Variants in ACTR5 observed in about 807,000 individuals in gnomAD.
ACTR5 encodes actin related protein 5.
ACTR5 carries 43 observed loss-of-function variants against 61.2 expected under a neutral mutation model. The ratio of observed to expected loss-of-function variants is 0.70; its 90% CI spans 0.55 to 0.91. The LOEUF (loss-of-function observed/expected upper bound fraction) is 0.91. Among genes scored for constraint, ACTR5 ranks in the 40% least tolerant of loss-of-function variants. The pLI is 0.00. For missense variants in ACTR5, 798 were observed against 782.2 expected, an observed-to-expected ratio of 1.02 and a Z score of -0.24; for synonymous variants, 333 against 310.5, an observed-to-expected ratio of 1.07 and a Z score of -0.76.
At chr20:38,758,329 G>T (rs2084432459) in intron 5 of ACTR5, among the ~76,000 whole-genome samples, 2 of 152,140 alleles carry the variant, frequency 1.3e-5, no homozygotes, top group South Asian at 2.1e-4. Flanking sequence ...GACTGCAAAA[G>T]ATTTTTCTAT....
intron 5 of ACTR5, among the ~76,000 whole-genome samples, chr20:38,762,331 A>G (rs2084459899): frequency 6.6e-6 from 1 of 152,222 alleles, no homozygotes; most frequent in South Asian, 2.1e-4. Flanking sequence ...GAGCAGCTAG[A>G]GAGTGAATGT....
chr20:38,748,652 C>T lies in ACTR5; in HGVS notation c.174C>T (p.Arg58=), dbSNP rs2084366981. 3 of 1,514,306 alleles carry T rather than the reference C, an allele frequency of 2.0e-6. No homozygotes were observed. The highest frequency in any genetic ancestry group is 2.7e-5 in the East Asian group (1 of 37,572). 93.8% of individuals were successfully genotyped at this position (1,514,306 alleles called of 1,614,324 possible). Residue 58 remains arginine, a synonymous_variant, in exon 1 of 9, where the codon CGC becomes CGT. Coordinates refer to ENST00000243903, the MANE Select transcript of ACTR5 (RefSeq NM_024855.4). ...GGCAGGACCCAGGTCCCGAGCCGCG[C>T]CTGCAGTTCCGCGCGGTGTGCGCCC... ...CPGQDPGPEP[R]LQFRAVCARG... is the part of the protein sequence containing the mutation.
rs2084524475 is a variant in ACTR5, at chr20:38,772,315, C to T, written c.*499C>T. ...TATTGCCGGGCACAGTGGCACGTGC[C>T]TGTTAAGGCCCAGCTTTGTGGGAGG... is the stretch of plus-strand genomic sequence containing the variant. On this transcript the variant is annotated 3_prime_UTR_variant, in exon 9 of 9. Coordinates refer to ENST00000243903, the MANE Select transcript of ACTR5 (RefSeq NM_024855.4). 1 of 165,148 alleles carries T rather than the reference C, an allele frequency of 6.1e-6. No individual in the cohort carries two copies. Among genetic ancestry groups the T allele is most frequent in the Admixed American group, 5.7e-5 (1 of 17,568 alleles). The allele number at this position is 165,148 out of a possible 1,614,324, so 10.2% of individuals were successfully genotyped here.
rs2295855 is a variant in ACTR5, at chr20:38,766,445, T to C, written c.1433+68T>C. Reference sequence around the variant, plus strand: ...TTTCCTTGGATTTTGCATTGAATGGTAGATTTGATGGTCAGGCACTTGAAA... The same window carrying C: ...TTTCCTTGGATTTTGCATTGAATGGCAGATTTGATGGTCAGGCACTTGAAA... On this transcript the variant is annotated intron_variant, in intron 7 of 8. Transcript: ENST00000243903. 3.6e-5 allele frequency: 54 copies of C among 1,507,348 alleles called. No homozygotes were observed. The East Asian group carries it at 1.2e-3, about 33-fold the overall frequency. The allele number at this position is 1,507,348 out of a possible 1,614,324, so 93.4% of individuals were successfully genotyped here. A position where few individuals can be genotyped will look rare whatever the true frequency, so the allele number is the denominator to read the frequency against.
intron 8 of ACTR5, among the ~76,000 whole-genome samples, chr20:38,768,590 A>G (rs769576074): frequency 6.6e-6 from 1 of 152,134 alleles, no homozygotes. Flanking sequence ...TAGGGTTTTT[A>G]TTTGGGGGCT....
chr20:38,748,539 G>A lies in ACTR5; in HGVS notation c.61G>A (p.Ala21Thr). 1 of 1,509,890 alleles carries A rather than the reference G, an allele frequency of 6.6e-7. No homozygotes were observed. Among genetic ancestry groups the A allele is most frequent in the Non-Finnish European group, 8.8e-7 (1 of 1,133,882 alleles). The allele number at this position is 1,509,890 out of a possible 1,614,324, so 93.5% of individuals were successfully genotyped here. Reference sequence around the variant, plus strand: ...TGCCGCACCGGACCCAGTGCTGGAGGCCGGCCCGGTGGCACACGGGCCACT... The same window carrying A: ...TGCCGCACCGGACCCAGTGCTGGAGACCGGCCCGGTGGCACACGGGCCACT... The part of the protein sequence containing the change: ...ARAAPDPVLE[A>T]GPVAHGPLPV... The change falls in exon 1 of 9, where the codon GCC becomes ACC. Residue 21 changes from alanine (A) to threonine (T), a missense_variant. Ala to Thr is a moderately conservative substitution (Grantham distance 58). Coordinates refer to ENST00000243903, the MANE Select transcript of ACTR5 (RefSeq NM_024855.4).
In ACTR5 at chr20:38,754,988, T is replaced by C; in HGVS notation, c.807T>C (p.Tyr269=). 1.2e-6 allele frequency: 2 copies of C among 1,614,220 alleles called. No individual in the cohort carries two copies. Among genetic ancestry groups the C allele is most frequent in the African/African-American group, 1.3e-5 (1 of 75,072 alleles). ...ACAAATGGCGGTGTCCTGATTATTA[T>C]GAGAATAATGTCCACAAGATGCAGC... is the stretch of plus-strand genomic sequence containing the variant. ...ELHKWRCPDY[Y]ENNVHKMQLP... is the part of the protein sequence containing the mutation. The change falls in exon 4 of 9, where the codon TAT becomes TAC. Residue 269 remains tyrosine, a synonymous_variant. Transcript: ENST00000243903.
At chr20:38,769,917 G>C (rs2084510147) in intron 8 of ACTR5, among the ~76,000 whole-genome samples, 1 of 152,116 alleles carries the variant, frequency 6.6e-6, no homozygotes, top group African/African-American at 2.4e-5. Flanking sequence ...GCTGGGTCAC[G>C]CTGGCAGCGG....
chr20:38,769,453 G>T (rs2084507331), intron 8 of ACTR5, among the ~76,000 whole-genome samples: 1 of 152,196 alleles, frequency 6.6e-6, no homozygotes, highest in Non-Finnish European at 1.5e-5. Flanking sequence ...GAGCTTGATA[G>T]TAAGTTGGAT....
chr20:38,767,967 G>A (rs1343272395), intron 8 of ACTR5, among the ~76,000 whole-genome samples: 4 of 152,200 alleles, frequency 2.6e-5, no homozygotes, highest in African/African-American at 9.7e-5. Context: ...TGTTGAGGGA[G>A]TGAGAAGTGG....
At position 38,772,054 on chromosome 20, in the gene ACTR5, C is replaced by A. The variant is rs1394016906; in HGVS notation, c.*238C>A. 7.4e-6 allele frequency: 4 copies of A among 539,552 alleles called. No individual in the cohort carries two copies. The highest frequency in any genetic ancestry group is 3.8e-5 in the African/African-American group (2 of 53,162). 33.4% of individuals were successfully genotyped at this position (539,552 alleles called of 1,614,324 possible). On this transcript the variant is annotated 3_prime_UTR_variant, in exon 9 of 9. Coordinates refer to ENST00000243903, the MANE Select transcript of ACTR5 (RefSeq NM_024855.4). ...CTGGCCTTCTGATGTCTTTGTTCAA[C>A]TGTGGCCAGCTGTGGCATCAGCTTC...
intron 5 of ACTR5, 24 bp from the exon 6 acceptor site, chr20:38,765,378 G>A: frequency 6.3e-7 from 1 of 1,574,952 alleles, no homozygotes; most frequent in South Asian, 1.1e-5. Context: ...TACAGGTTCT[G>A]TTTCATTTTG....
chr20:38,764,815 G>A (rs576374553), intron 5 of ACTR5, among the ~76,000 whole-genome samples: 13 of 152,294 alleles, frequency 8.5e-5, no homozygotes, highest in African/African-American at 2.6e-4. Flanking sequence ...GGCTGTAGGT[G>A]CTCACCACCA....
intron 5 of ACTR5, among the ~76,000 whole-genome samples, chr20:38,760,675 A>G (rs1438739243): frequency 2.6e-5 from 4 of 152,196 alleles, no homozygotes; most frequent in African/African-American, 9.6e-5. Flanking sequence ...AGACAAGGAA[A>G]GATTTGGAGT....
At chr20:38,763,737 G>A (rs1295014255) in intron 5 of ACTR5, among the ~76,000 whole-genome samples, 1 of 152,194 alleles carries the variant, frequency 6.6e-6, no homozygotes, top group Admixed American at 6.5e-5. Flanking sequence ...TGCAGTGAGG[G>A]TTGTGCAGAT....
At position 38,748,529 on chromosome 20, in the gene ACTR5, A is replaced by G. The variant is rs2084366080; in HGVS notation, c.51A>G (p.Pro17=). 6.6e-7 allele frequency: 1 copy of G among 1,506,738 alleles called. No individual in the cohort carries two copies. The allele number at this position is 1,506,738 out of a possible 1,614,324, so 93.3% of individuals were successfully genotyped here. A position where few individuals can be genotyped will look rare whatever the true frequency, so the allele number is the denominator to read the frequency against. ...GCGACGCCCGTGCCGCACCGGACCCAGTGCTGGAGGCCGGCCCGGTGGCAC... is the reference window on the plus strand; with the variant it reads ...GCGACGCCCGTGCCGCACCGGACCCGGTGCTGGAGGCCGGCCCGGTGGCAC... ...PFRDARAAPD[P]VLEAGPVAHG... The change falls in exon 1 of 9, where the codon CCA becomes CCG. Residue 17 remains proline (P), a synonymous_variant. Transcript: ENST00000243903.
At chr20:38,749,573 A>G (rs1431533075) in intron 1 of ACTR5, among the ~76,000 whole-genome samples, 7 of 152,224 alleles carry the variant, frequency 4.6e-5, no homozygotes, top group African/African-American at 1.4e-4. Flanking sequence ...GTTGAGCTGA[A>G]GAAGGACCTG....
At chr20:38,755,593 C>A (rs1346560216) in intron 4 of ACTR5, among the ~76,000 whole-genome samples, 1 of 150,402 alleles carries the variant, frequency 6.6e-6, no homozygotes, top group Non-Finnish European at 1.5e-5. Context: ...TCACATCCCC[C>A]GCCCCACCAA....
intron 5 of ACTR5, among the ~76,000 whole-genome samples, chr20:38,763,371 A>G (rs1040182727): frequency 8.5e-5 from 13 of 152,184 alleles, no homozygotes; most frequent in Admixed American, 7.2e-4. Flanking sequence ...CCAGATCACA[A>G]ACTGCAGATG....
Sources: gnomAD v4.1 joint callset for allele counts (sites outside exome capture counted in the v4.1 genomes callset) on GRCh38, gnomAD v4.1.1 for gene constraint, MANE v1.5 for transcripts, NCBI Gene and HGNC (gene_info 2026-07-23, HGNC 2026-07-21) for gene names.